The following DCT variants were observed in gnomAD, a reference collection of about 807,000 sequenced individuals.
The protein encoded by DCT is dopachrome tautomerase.
In DCT, 47 loss-of-function variants were observed where a neutral mutation model predicts 53.0. The observed-to-expected ratio is 0.89, with a 90% CI of 0.70 to 1.13. The LOEUF (loss-of-function observed/expected upper bound fraction) is 1.13. Among genes scored for constraint, DCT ranks in the 50% most tolerant of loss-of-function variants. DCT has a pLI of 0.00. For missense variants in DCT, 669 were observed against 637.4 expected (o/e 1.05, Z -0.53); for synonymous variants, 244 against 237.0 (o/e 1.03, Z -0.27).
chr13:94,482,445 C>G (rs942433236), upstream of DCT, among the ~76,000 whole-genome samples: 1 of 152,174 alleles, frequency 6.6e-6, no homozygotes, highest in Non-Finnish European at 1.5e-5. Flanking sequence ...TCAGAGAGGC[C>G]TTCCATGATA....
In DCT at chr13:94,468,808, T is replaced by C. The variant is rs753702166; in HGVS notation, c.533A>G (p.Asn178Ser). 9 of 1,613,636 alleles carry C rather than the reference T, an allele frequency of 5.6e-6. No individual in the cohort carries two copies. The highest frequency in any genetic ancestry group is 2.2e-5 in the South Asian group (2 of 91,048). The change falls in exon 2 of 8, where the codon AAC becomes AGC. Residue 178 changes from asparagine to serine, a missense_variant. Physicochemically the swap from Asn to Ser is conservative, Grantham distance 46. Coordinates refer to ENST00000377028, the MANE Select transcript of DCT (RefSeq NM_001922.5). ...CACAAAAAAATCATAAACACTGCAGTTGGCAAACTGCGGCTGGGTTCCATT... is the reference window on the plus strand; with the variant it reads ...CACAAAAAAATCATAAACACTGCAGCTGGCAAACTGCGGCTGGGTTCCATT... ...GPNGTQPQFANCSVYDFFVWL... is the reference protein window; with the variant it reads ...GPNGTQPQFASCSVYDFFVWL...
chr13:94,511,348 TTCTCTC>T, the DCT span, among the ~76,000 whole-genome samples: 18 of 145,708 alleles, frequency 1.2e-4, no homozygotes, highest in East Asian at 3.1e-3. Context: ...CTACATAACT[TTCTCTC>T]TCTCTCTCTT....
At chr13:94,471,971 A>G (rs1006000503) in intron 1 of DCT, among the ~76,000 whole-genome samples, 5 of 152,182 alleles carry the variant, frequency 3.3e-5, no homozygotes, top group Non-Finnish European at 7.3e-5. Flanking sequence ...CCCAATTTCA[A>G]TGTGAATCCA....
At chr13:94,465,833 C>T in intron 3 of DCT, 34 bp from the exon 4 acceptor site, 1 of 1,585,962 alleles carries the variant, frequency 6.3e-7, no homozygotes, top group Non-Finnish European at 8.6e-7. Flanking sequence ...TCATTTAATC[C>T]ATGCCATCAG....
chr13:94,468,621 A>G, intron 2 of DCT, 125 bp downstream of exon 2: 2 of 872,290 alleles, frequency 2.3e-6, no homozygotes, highest in East Asian at 2.4e-5. Flanking sequence ...TACGACTTTC[A>G]TAAACCTAAG....
chr13:94,480,885 C>A (rs2139387057), upstream of DCT, among the ~76,000 whole-genome samples: 1 of 152,340 alleles, frequency 6.6e-6, no homozygotes, highest in Non-Finnish European at 1.5e-5. Flanking sequence ...GCTTCTGTAA[C>A]AAATGACCAC....
chr13:94,501,916 T>TG, the DCT span, among the ~76,000 whole-genome samples: 1 of 152,184 alleles, frequency 6.6e-6, no homozygotes, highest in Non-Finnish European at 1.5e-5. Context: ...CGCTATCTTG[T>TG]AGGTATTATT....
the DCT span, among the ~76,000 whole-genome samples, chr13:94,548,376 TC>T: frequency 4.0e-5 from 6 of 151,792 alleles, no homozygotes; most frequent in Non-Finnish European, 8.8e-5. Flanking sequence ...GAGTTTCCCT[TC>T]CCCCTCAAAA....
rs893311142 is a variant in DCT at position 94,439,133 on chromosome 13, C to T, written c.*765G>A. 1 of 154,676 alleles carries T rather than the reference C, an allele frequency of 6.5e-6. No individual in the cohort carries two copies. The highest frequency in any genetic ancestry group is 1.4e-5 in the Non-Finnish European group (1 of 69,792). 9.6% of individuals were successfully genotyped at this position (154,676 alleles called of 1,614,324 possible). On this transcript the variant is annotated 3_prime_UTR_variant, in exon 8 of 8. Transcript: ENST00000377028. ...GGAAACTCTATAATTTTATTATCTT[C>T]TCTATTTATCACTATAGAATCAATG...
intron 1 of DCT, among the ~76,000 whole-genome samples, chr13:94,473,628 G>A (rs953597964): frequency 1.1e-4 from 17 of 152,166 alleles, no homozygotes; most frequent in Non-Finnish European, 1.9e-4. Context: ...GACAAATGAC[G>A]AAATGATTAA....
the DCT span, among the ~76,000 whole-genome samples, chr13:94,490,729 C>A: frequency 6.6e-6 from 1 of 150,612 alleles, no homozygotes; most frequent in Non-Finnish European, 1.5e-5. Context: ...CAGACAGCTG[C>A]CTAGTAAATG....
the DCT span, among the ~76,000 whole-genome samples, chr13:94,527,850 G>A: frequency 2.0e-5 from 3 of 151,778 alleles, no homozygotes; most frequent in South Asian, 2.1e-4. Context: ...CAAGCTAAAG[G>A]AGCATGTTCT....
the DCT span, among the ~76,000 whole-genome samples, chr13:94,537,653 C>T: frequency 1.6e-4 from 25 of 152,116 alleles, no homozygotes; most frequent in Middle Eastern, 3.4e-3. Flanking sequence ...CAAATAAAAA[C>T]GAAAACACTG....
At chr13:94,529,175 C>T in the DCT span, among the ~76,000 whole-genome samples, 1 of 152,070 alleles carries the variant, frequency 6.6e-6, no homozygotes, top group Admixed American at 6.5e-5. Flanking sequence ...ACTTAGACTC[C>T]CATACAATAA....
At chr13:94,502,268 C>T in the DCT span, among the ~76,000 whole-genome samples, 4 of 149,484 alleles carry the variant, frequency 2.7e-5, no homozygotes, top group Non-Finnish European at 5.9e-5. Context: ...CTGAGGGTGC[C>T]TTCACTGTTC....
At chr13:94,500,337 C>T in the DCT span, among the ~76,000 whole-genome samples, 3 of 152,148 alleles carry the variant, frequency 2.0e-5, no homozygotes, top group African/African-American at 7.2e-5. Context: ...AAAATGAGAG[C>T]CAACAACAGG....
At chr13:94,540,733 T>C in the DCT span, among the ~76,000 whole-genome samples, 1 of 152,148 alleles carries the variant, frequency 6.6e-6, no homozygotes, top group Non-Finnish European at 1.5e-5. Flanking sequence ...TGGAGGACAC[T>C]ATGAAGGGTC....
At position 94,479,024 on chromosome 13, in the gene DCT, G is replaced by A. The variant is rs201620620; in HGVS notation, c.232C>T (p.Arg78Ter). The change falls in exon 1 of 8, where the codon CGA (arginine) becomes TGA (stop). Residue 78 changes from arginine (R) to a stop codon, truncating the protein, a stop_gained. Transcript: ENST00000377028. LOFTEE classifies it high-confidence loss of function. ...CACAGCTCACGGTCATCCTGGTTTC[G>A]TAGGATGTAGGGACCACTCCAGGGC... ...TRPWSGPYIL[R>*]NQDDRELWPR... 1.1e-4 allele frequency: 177 copies of A among 1,613,908 alleles called. No homozygotes were observed. Among genetic ancestry groups the A allele is most frequent in the Non-Finnish European group, 1.3e-4 (159 of 1,179,906 alleles).
chr13:94,464,412 G>A (rs1884021862), intron 4 of DCT, among the ~76,000 whole-genome samples: 3 of 152,172 alleles, frequency 2.0e-5, no homozygotes, highest in African/African-American at 4.8e-5. Flanking sequence ...GGCCAAGGCA[G>A]GCAGATTACG....
Sources: gnomAD v4.1 joint callset for allele counts (sites outside exome capture counted in the v4.1 genomes callset) on GRCh38, gnomAD v4.1.1 for gene constraint, MANE v1.5 for transcripts, NCBI Gene and HGNC (gene_info 2026-07-23, HGNC 2026-07-21) for gene names.